The following FRMPD4 variants were observed in gnomAD, a reference collection of about 807,000 sequenced individuals.
The protein encoded by FRMPD4 is FERM and PDZ domain-containing protein 4.
FRMPD4 carries 22 observed loss-of-function variants against 94.1 expected under a neutral mutation model. That is an observed-to-expected ratio of 0.23 (90% CI 0.17 to 0.33). The LOEUF (loss-of-function observed/expected upper bound fraction) is 0.33. Ranked by LOEUF, FRMPD4 falls within the 10% of genes least tolerant of loss-of-function variation. The probability of loss-of-function intolerance (pLI) is 1.00; values close to 1 mark genes in which losing one functional copy is unlikely to be tolerated. For synonymous variants in FRMPD4, 631 were observed against 548.6 expected, an observed-to-expected ratio of 1.15 and a Z score of -2.10; for missense variants, 1,111 against 1,339.9, an observed-to-expected ratio of 0.83 and a Z score of 2.67.
intron 1 of FRMPD4, among the ~76,000 whole-genome samples, chrX:12,342,067 A>G (rs1207464209): frequency 1.8e-5 from 2 of 112,063 alleles, no homozygotes; most frequent in East Asian, 2.8e-4. Flanking sequence ...TGAGCCATAT[A>G]TTTGCTATGC....
intron 2 of FRMPD4, among the ~76,000 whole-genome samples, chrX:12,529,948 CTTTTA>C (rs1264880664): frequency 1.1e-3 from 118 of 110,338 alleles, no homozygotes; most frequent in African/African-American, 3.6e-3. Context: ...TCAGAGATTT[CTTTTA>C]TAAGAACCCT....
At chrX:11,919,920 T>C (rs2054045844) in intron 3 of FRMPD4, among the ~76,000 whole-genome samples, 1 of 112,548 alleles carries the variant, frequency 8.9e-6, no homozygotes, top group African/African-American at 3.2e-5. Flanking sequence ...TACTGCAGGA[T>C]AACATGGCAA....
In FRMPD4 at chrX:12,381,794, G is replaced by A. The variant is rs754176193; in HGVS notation, c.42-116886G>A. ...CTGGAAAATGGAGTAACTATACCAG[G>A]GGATGAGAACAAATAATCCATAAGA... On this transcript the variant is annotated intron_variant, in intron 1 of 16. Transcript: ENST00000675598. 3.6e-5 allele frequency among the ~76,000 whole-genome samples: 4 copies of A among 111,660 alleles called. No homozygotes were observed. The South Asian group carries it at 1.5e-3, about 43-fold the overall frequency.
At chrX:11,994,823 G>A (rs183230125) in intron 3 of FRMPD4, among the ~76,000 whole-genome samples, 291 of 111,886 alleles carry the variant, frequency 2.6e-3, no homozygotes, top group Non-Finnish European at 4.5e-3. Flanking sequence ...GAACAGCCCA[G>A]AGTTTACACT....
chrX:12,556,042 G>A (rs1439175348), intron 2 of FRMPD4, among the ~76,000 whole-genome samples: 3 of 110,594 alleles, frequency 2.7e-5, no homozygotes, highest in Admixed American at 9.6e-5. Context: ...TCAGCCTCCC[G>A]AGAAGATGGA....
intron 2 of FRMPD4, among the ~76,000 whole-genome samples, chrX:12,571,105 C>G (rs2058757020): frequency 8.9e-6 from 1 of 112,018 alleles, no homozygotes; most frequent in South Asian, 3.7e-4. Context: ...AGATTCTCTA[C>G]CCAATCTTTA....
At chrX:12,168,622 CTTTTTTT>C (rs35114337) in intron 1 of FRMPD4, among the ~76,000 whole-genome samples, 1 of 70,168 alleles carries the variant, frequency 1.4e-5, no homozygotes, top group African/African-American at 5.6e-5. Context: ...GACACTGACC[CTTTTTTT>C]TTTTTTTTTT....
chrX:11,892,199 C>T (rs1365489553), intron 3 of FRMPD4, among the ~76,000 whole-genome samples: 1 of 111,989 alleles, frequency 8.9e-6, no homozygotes, highest in Non-Finnish European at 1.9e-5. Context: ...ACCAAACTTC[C>T]CTTTTTCCTC....
intron 1 of FRMPD4, among the ~76,000 whole-genome samples, chrX:12,420,114 G>A (rs774263495): frequency 3.6e-5 from 4 of 111,238 alleles, no homozygotes; most frequent in South Asian, 3.9e-4. Flanking sequence ...TCACCATCAC[G>A]CCTGCTCCTT....
chrX:12,681,695 A>T (rs1434946945), intron 5 of FRMPD4, among the ~76,000 whole-genome samples: 1 of 91,381 alleles, frequency 1.1e-5, no homozygotes, highest in Non-Finnish European at 2.0e-5. Context: ...TCCATCCAGG[A>T]TACACACACA....
intron 3 of FRMPD4, among the ~76,000 whole-genome samples, chrX:12,052,953 A>G (rs2054826321): frequency 8.9e-6 from 1 of 111,735 alleles, no homozygotes; most frequent in Admixed American, 9.5e-5. Flanking sequence ...AGAGTAGTCA[A>G]CATACAGTGT....
At chrX:12,402,559 C>T (rs2056621379) in intron 1 of FRMPD4, among the ~76,000 whole-genome samples, 1 of 112,014 alleles carries the variant, frequency 8.9e-6, no homozygotes, top group Non-Finnish European at 1.9e-5. Flanking sequence ...CTGGAATTGG[C>T]CCGTTTTATT....
At chrX:12,101,570 C>G (rs1207439574) in intron 3 of FRMPD4, among the ~76,000 whole-genome samples, 2 of 111,796 alleles carry the variant, frequency 1.8e-5, no homozygotes, top group Admixed American at 9.5e-5. Context: ...TTATAAGATT[C>G]TGACCCTTTA....
chrX:11,867,397 A>G (rs756216579), intron 2 of FRMPD4, among the ~76,000 whole-genome samples: 1 of 111,493 alleles, frequency 9.0e-6, no homozygotes, highest in Admixed American at 9.6e-5. Flanking sequence ...TTACAGCTAG[A>G]TAATATAATC....
At chrX:12,299,236 GT>G (rs1248360168) in intron 1 of FRMPD4, among the ~76,000 whole-genome samples, 3 of 110,292 alleles carry the variant, frequency 2.7e-5, no homozygotes, top group Non-Finnish European at 5.7e-5. Flanking sequence ...TTTCCAAGCA[GT>G]AGTGATTAAC....
intron 1 of FRMPD4, among the ~76,000 whole-genome samples, chrX:12,411,373 C>T (rs905381269): frequency 2.3e-4 from 26 of 112,411 alleles, no homozygotes; most frequent in African/African-American, 8.4e-4. Flanking sequence ...ATTCACACCC[C>T]ACTGCTCTGT....
chrX:12,425,612 T>C lies in FRMPD4; in HGVS notation c.42-73068T>C, dbSNP rs1384443140. 3.6e-5 allele frequency among the ~76,000 whole-genome samples: 4 copies of C among 111,935 alleles called. No homozygotes were observed. In the East Asian group the frequency reaches 1.1e-3, roughly 31 times the overall value. On this transcript the variant is annotated intron_variant, in intron 1 of 16. Coordinates refer to ENST00000675598, the MANE Select transcript of FRMPD4 (RefSeq NM_001368397.1). Reference sequence around the variant, plus strand: ...ACACTTGGCAATGTCTGGAGACATTTTGGTTGTCACAGCTGAGGGTGGGTA... The same window carrying C: ...ACACTTGGCAATGTCTGGAGACATTCTGGTTGTCACAGCTGAGGGTGGGTA...
intron 3 of FRMPD4, among the ~76,000 whole-genome samples, chrX:12,031,566 G>T (rs1168884094): frequency 9.0e-6 from 1 of 111,556 alleles, no homozygotes; most frequent in Admixed American, 9.5e-5. Flanking sequence ...AGCAGTGTTT[G>T]GAGATGTTTT....
intron 1 of FRMPD4, among the ~76,000 whole-genome samples, chrX:12,434,447 G>A (rs1286700434): frequency 1.8e-5 from 2 of 111,919 alleles, no homozygotes; most frequent in Admixed American, 1.9e-4. Context: ...TTTCAAGATG[G>A]AGGTCCTCCT....
Sources: gnomAD v4.1 joint callset for allele counts (sites outside exome capture counted in the v4.1 genomes callset) on GRCh38, gnomAD v4.1.1 for gene constraint, MANE v1.5 for transcripts, NCBI Gene and HGNC (gene_info 2026-07-23, HGNC 2026-07-21) for gene names.